CLCN3: variants seen among roughly 807,000 people sequenced by gnomAD.
The protein encoded by CLCN3 is Cl-/H+ antiporter 3, also known as H(+)/Cl(-) exchange transporter 3.
CLCN3 carries 16 observed loss-of-function variants against 83.4 expected under a neutral mutation model. The observed-to-expected ratio is 0.19, with a 90% CI of 0.13 to 0.29. The LOEUF (loss-of-function observed/expected upper bound fraction) is 0.29. Ranked by LOEUF, CLCN3 falls within the 10% of genes least tolerant of loss-of-function variation. The probability of loss-of-function intolerance (pLI) is 1.00; values close to 1 mark genes in which losing one functional copy is unlikely to be tolerated. For synonymous variants in CLCN3, 322 were observed against 346.2 expected (o/e 0.93, Z 0.78); for missense variants, 544 against 1,006.0 (o/e 0.54, Z 6.21).
intron 9 of CLCN3, among the ~76,000 whole-genome samples, 180 bp downstream of exon 9, chr4:169,697,914 A>G (rs540230394): frequency 2.6e-5 from 4 of 152,336 alleles, no homozygotes; most frequent in African/African-American, 9.6e-5. Flanking sequence ...ATCTGTTGCT[A>G]TTTAACAAAT....
chr4:169,625,104 C>CA (rs1162801855), intron 1 of CLCN3, among the ~76,000 whole-genome samples: 2 of 152,176 alleles, frequency 1.3e-5, no homozygotes, highest in African/African-American at 4.8e-5. Flanking sequence ...TTTCACGTTT[C>CA]AATCTGTGAC....
chr4:169,654,755 TGCATTGTG>T (rs1217057249), intron 2 of CLCN3, among the ~76,000 whole-genome samples: 1 of 152,168 alleles, frequency 6.6e-6, no homozygotes, highest in African/African-American at 2.4e-5. Context: ...TTTTGCAACT[TGCATTGTG>T]GCCCAGAAAA....
At chr4:169,670,376 C>T (rs1731409950) in intron 2 of CLCN3, among the ~76,000 whole-genome samples, 1 of 152,170 alleles carries the variant, frequency 6.6e-6, no homozygotes, top group African/African-American at 2.4e-5. Context: ...ATAGGGAATC[C>T]TTTCCCCATT....
Position 169,695,577 on chromosome 4 carries a change from A to G in CLCN3, c.937-35A>G, listed in dbSNP as rs777310139. 17 of 1,433,442 alleles carry G rather than the reference A, an allele frequency of 1.2e-5. 1 individual carries two copies. Among genetic ancestry groups the G allele is most frequent in the South Asian group, 8.4e-5 (7 of 83,126 alleles). 88.8% of individuals were successfully genotyped at this position (1,433,442 alleles called of 1,614,324 possible). A position where few individuals can be genotyped will look rare whatever the true frequency, so the allele number is the denominator to read the frequency against. On this transcript the variant is annotated intron_variant, in intron 7 of 12. Coordinates refer to ENST00000513761, the MANE Select transcript of CLCN3 (RefSeq NM_001829.4). ...TTTTATTTGGTATGTTTGAATTTCT[A>G]TGAAATTATGAAATAAGCCATATCC...
Position 169,707,191 on chromosome 4 carries a change from T to C in CLCN3, c.2074T>C (p.Phe692Leu). Residue 692 changes from phenylalanine (F) to leucine (L), a missense_variant, in exon 11 of 13, where the codon TTT becomes CTT. Physicochemically the swap from Phe to Leu is conservative, Grantham distance 22. Coordinates refer to ENST00000513761, the MANE Select transcript of CLCN3 (RefSeq NM_001829.4). ...GATTAATGAAACCAGCTACAATGGA[T>C]TTCCTGTCATAATGTCAAAAGAATC... ...NMINETSYNG[F>L]PVIMSKESQR... 2 of 1,613,960 alleles carry C rather than the reference T, an allele frequency of 1.2e-6. No homozygotes were observed. The highest frequency in any genetic ancestry group is 8.5e-7 in the Non-Finnish European group (1 of 1,179,862).
At chr4:169,687,155 T>TA (rs1732192446) in intron 3 of CLCN3, among the ~76,000 whole-genome samples, 1 of 152,216 alleles carries the variant, frequency 6.6e-6, no homozygotes, top group South Asian at 2.1e-4. Flanking sequence ...CATATTGTCT[T>TA]ACAGAAGACA....
intron 6 of CLCN3, among the ~76,000 whole-genome samples, chr4:169,691,134 G>C (rs752209388): frequency 6.6e-6 from 1 of 151,824 alleles, no homozygotes; most frequent in Non-Finnish European, 1.5e-5. Context: ...GAGGAGTTGC[G>C]ATTGCAGGCA....
chr4:169,683,178 A>C (rs915435122), intron 3 of CLCN3, among the ~76,000 whole-genome samples: 2 of 152,196 alleles, frequency 1.3e-5, no homozygotes, highest in African/African-American at 4.8e-5. Context: ...ATGTTCATAA[A>C]ATTTTAGAGA....
intron 2 of CLCN3, among the ~76,000 whole-genome samples, chr4:169,637,690 A>T (rs187361242): frequency 6.6e-6 from 1 of 151,894 alleles, no homozygotes; most frequent in Admixed American, 6.6e-5. Flanking sequence ...GGTCACAAAG[A>T]TATTCTCCTG....
chr4:169,656,209 A>C (rs1031082039), intron 2 of CLCN3, among the ~76,000 whole-genome samples: 2 of 152,192 alleles, frequency 1.3e-5, no homozygotes, highest in African/African-American at 4.8e-5. Flanking sequence ...GAAATACGTG[A>C]GACTGGGTAA....
intron 5 of CLCN3, among the ~76,000 whole-genome samples, chr4:169,690,239 G>A (rs1732314684): frequency 6.7e-6 from 1 of 149,656 alleles, no homozygotes; most frequent in Non-Finnish European, 1.5e-5. Context: ...TCCGCTTCTG[G>A]GGTTTAAGCG....
intron 2 of CLCN3, among the ~76,000 whole-genome samples, chr4:169,654,361 TTTTG>T (rs1456404745): frequency 6.6e-6 from 1 of 152,128 alleles, no homozygotes; most frequent in Non-Finnish European, 1.5e-5. Context: ...GGTTTGCCTT[TTTTG>T]TTCTTTTCTA....
chr4:169,661,265 A>C (rs1731047798), intron 2 of CLCN3, among the ~76,000 whole-genome samples: 1 of 152,182 alleles, frequency 6.6e-6, no homozygotes, highest in Non-Finnish European at 1.5e-5. Flanking sequence ...ATTGAACTTC[A>C]AGAAAAATCT....
chr4:169,672,244 A>AGATAGATAGATAGATAGATAGATAGATG (rs1256267197), intron 2 of CLCN3, among the ~76,000 whole-genome samples: 12 of 151,956 alleles, frequency 7.9e-5, no homozygotes, highest in African/African-American at 2.7e-4. Flanking sequence ...ATAGATAGAT[A>AGATAGATAGATAGATAGATAGATAGATG]GATAGATAGA....
At chr4:169,659,842 TA>T (rs756930462) in intron 2 of CLCN3, among the ~76,000 whole-genome samples, 6 of 152,158 alleles carry the variant, frequency 3.9e-5, no homozygotes, top group Non-Finnish European at 7.4e-5. Flanking sequence ...CATTCTCTCG[TA>T]AAACCACACA....
At chr4:169,649,449 GT>G (rs1458895160) in intron 2 of CLCN3, among the ~76,000 whole-genome samples, 1 of 152,164 alleles carries the variant, frequency 6.6e-6, no homozygotes, top group Non-Finnish European at 1.5e-5. Context: ...GAGTATGGAG[GT>G]AAATATAATA....
rs1034640555 is a variant in CLCN3, at chr4:169,620,678, G to T, written c.-402G>T. The stretch of plus-strand genomic sequence containing the variant: ...TGACCCGGAATAATGAGCAAGGAGG[G>T]TGTGGTGGGTTGAAAGCCATCCTAC... On this transcript the variant is annotated 5_prime_UTR_variant, in exon 1 of 13. Coordinates refer to ENST00000513761, the MANE Select transcript of CLCN3 (RefSeq NM_001829.4). 5 of 398,496 alleles carry T rather than the reference G, an allele frequency of 1.3e-5. No individual in the cohort carries two copies. Among genetic ancestry groups the T allele is most frequent in the Non-Finnish European group, 2.2e-5 (5 of 226,142 alleles). 24.7% of individuals were successfully genotyped at this position (398,496 alleles called of 1,614,324 possible). A position where few individuals can be genotyped will look rare whatever the true frequency, so the allele number is the denominator to read the frequency against.
Position 169,692,218 on chromosome 4 carries a change from T to C in CLCN3, c.834T>C (p.Ser278=). The C allele has an allele frequency of 6.2e-7, 1 of 1,613,412 alleles. No individual in the cohort carries two copies. Among genetic ancestry groups the C allele is most frequent in the Non-Finnish European group, 8.5e-7 (1 of 1,179,392 alleles). ...TCCTGGCTGTGGCATCAGGTTTGAGTTTAGGAAAAGAAGGTCCCCTGGTAC... is the reference window on the plus strand; with the variant it reads ...TCCTGGCTGTGGCATCAGGTTTGAGCTTAGGAAAAGAAGGTCCCCTGGTAC... ...TLVLAVASGL[S]LGKEGPLVHV... The change falls in exon 7 of 13, where the codon AGT becomes AGC. Residue 278 remains serine, a synonymous_variant. Transcript: ENST00000513761.
At chr4:169,699,707 C>T (rs1480396906) in intron 9 of CLCN3, among the ~76,000 whole-genome samples, 1 of 151,874 alleles carries the variant, frequency 6.6e-6, no homozygotes, top group African/African-American at 2.4e-5. Flanking sequence ...TGCGGTGAAA[C>T]CCCGTCTTTA....
Sources: gnomAD v4.1 joint callset for allele counts (sites outside exome capture counted in the v4.1 genomes callset) on GRCh38, gnomAD v4.1.1 for gene constraint, MANE v1.5 for transcripts, NCBI Gene and HGNC (gene_info 2026-07-23, HGNC 2026-07-21) for gene names.